Variants in SEMA3D observed in about 807,000 individuals in gnomAD.
SEMA3D encodes the protein semaphorin 3D.
Under a neutral mutation model 100.1 loss-of-function variants are expected in SEMA3D, and 84 were observed. The ratio of observed to expected loss-of-function variants is 0.84; its 90% CI spans 0.70 to 1.01. The LOEUF (loss-of-function observed/expected upper bound fraction) is 1.01. Among genes scored for constraint, SEMA3D ranks in the 50% least tolerant of loss-of-function variants. The pLI, the probability that SEMA3D is intolerant of heterozygous loss-of-function variation, is 0.00. For synonymous variants in SEMA3D, 312 were observed against 320.7 expected (o/e 0.97, Z 0.29); for missense variants, 875 against 934.1 (o/e 0.94, Z 0.82).
At position 85,046,974 on chromosome 7, in the gene SEMA3D, A is replaced by G. The variant is rs1378774046; in HGVS notation, c.862-4689T>C. Among the ~76,000 whole-genome samples, 3 of 151,874 alleles carry G rather than the reference A, an allele frequency of 2.0e-5. No homozygotes were observed. In the East Asian group the frequency reaches 5.8e-4, roughly 29 times the overall value. On this transcript the variant is annotated intron_variant, in intron 9 of 18. Coordinates refer to ENST00000284136, the MANE Select transcript of SEMA3D (RefSeq NM_001384900.1). ...ACACTATTTATCATTCACTTTTTGT[A>G]GTTAAGTGTTCCAAAAGCCTTGACA...
chr7:85,135,824 G>A (rs1351456624), intron 2 of SEMA3D, among the ~76,000 whole-genome samples: 2 of 150,888 alleles, frequency 1.3e-5, no homozygotes, highest in Admixed American at 6.6e-5. Context: ...TATTTCAATG[G>A]GATTATTTAC....
chr7:85,078,744 T>C (rs2116221001), intron 5 of SEMA3D, among the ~76,000 whole-genome samples: 1 of 152,288 alleles, frequency 6.6e-6, no homozygotes, highest in African/African-American at 2.4e-5. Flanking sequence ...TTAGGGTAAA[T>C]AATTCACTGT....
At chr7:85,082,624 G>A (rs1788097881) in intron 4 of SEMA3D, among the ~76,000 whole-genome samples, 1 of 152,012 alleles carries the variant, frequency 6.6e-6, no homozygotes, top group South Asian at 2.1e-4. Context: ...ATATCCTGAG[G>A]GAATACACTG....
the SEMA3D span, among the ~76,000 whole-genome samples, chr7:85,235,192 C>A: frequency 1.3e-5 from 2 of 152,174 alleles, no homozygotes. Context: ...TATCACAACT[C>A]TGCTACTATT....
intron 2 of SEMA3D, among the ~76,000 whole-genome samples, chr7:85,130,183 T>C (rs1027192221): frequency 1.3e-5 from 2 of 152,250 alleles, no homozygotes; most frequent in Admixed American, 6.5e-5. Flanking sequence ...GAACCAAGTC[T>C]TCATATCGGA....
chr7:85,085,076 C>T (rs1400919531), intron 4 of SEMA3D, among the ~76,000 whole-genome samples: 1 of 152,018 alleles, frequency 6.6e-6, no homozygotes. Context: ...CATGTCTTTG[C>T]TATGTTGCCA....
intron 6 of SEMA3D, among the ~76,000 whole-genome samples, chr7:85,070,255 C>G (rs1318430353): frequency 2.0e-5 from 3 of 152,184 alleles, no homozygotes; most frequent in African/African-American, 7.2e-5. Context: ...ACCTACTGAA[C>G]ATGCCACAAA....
chr7:85,242,016 A>G, the SEMA3D span, among the ~76,000 whole-genome samples: 6 of 152,122 alleles, frequency 3.9e-5, no homozygotes, highest in East Asian at 1.2e-3. Context: ...AGGTTCCTCA[A>G]AAACTAAAAA....
At position 85,113,343 on chromosome 7, in the gene SEMA3D, T is replaced by C. The variant is rs562412266; in HGVS notation, c.151+8398A>G. Among the ~76,000 whole-genome samples the C allele has an allele frequency of 2.6e-5, 4 of 152,256 alleles. No individual in the cohort carries two copies. In the South Asian group the frequency reaches 8.3e-4, roughly 32 times the overall value. ...ATTCGCCACATGAACTGAAGGGAAA[T>C]TTCTTTGCACAACAATAGAATCAAA... On this transcript the variant is annotated intron_variant, in intron 3 of 18. Coordinates refer to ENST00000284136, the MANE Select transcript of SEMA3D (RefSeq NM_001384900.1).
At chr7:85,202,947 G>A in the SEMA3D span, among the ~76,000 whole-genome samples, 1 of 152,120 alleles carries the variant, frequency 6.6e-6, no homozygotes, top group Admixed American at 6.6e-5. Flanking sequence ...TCTTGCATAG[G>A]TAAGAGAGGG....
intron 16 of SEMA3D, among the ~76,000 whole-genome samples, chr7:85,014,350 C>T (rs1014373878): frequency 1.1e-4 from 16 of 151,774 alleles, no homozygotes; most frequent in Admixed American, 7.2e-4. Context: ...TCAGGCATAT[C>T]GATGGGCATT....
intron 4 of SEMA3D, among the ~76,000 whole-genome samples, chr7:85,091,413 C>T (rs1788390051): frequency 6.6e-6 from 1 of 151,438 alleles, no homozygotes; most frequent in South Asian, 2.1e-4. Flanking sequence ...GGAAGGATCC[C>T]AACAATTCAT....
rs1491429764 is a variant in SEMA3D at position 84,996,997 on chromosome 7, T to TATG, written c.*2440_*2442dup. On this transcript the variant is annotated 3_prime_UTR_variant, in exon 19 of 19. Transcript: ENST00000284136. ...AAAATACATATAAATATGTGTACTCTATGTTGTTTTTTATTGTGTGAAATT... is the reference window on the plus strand; with the variant it reads ...AAAATACATATAAATATGTGTACTCTATGATGTTGTTTTTTATTGTGTGAAATT... 1 of 151,810 alleles carries TATG rather than the reference T, an allele frequency of 6.6e-6. No individual in the cohort carries two copies. Among genetic ancestry groups the TATG allele is most frequent in the African/African-American group, 2.4e-5 (1 of 41,410 alleles). The allele number at this position is 151,810 out of a possible 1,614,324, so 9.4% of individuals were successfully genotyped here.
At chr7:85,110,930 T>A (rs902265914) in intron 3 of SEMA3D, among the ~76,000 whole-genome samples, 28 of 152,196 alleles carry the variant, frequency 1.8e-4, no homozygotes, top group African/African-American at 6.3e-4. Flanking sequence ...GCTGCTTTTA[T>A]CAAAGTCAAC....
chr7:85,229,897 T>G, the SEMA3D span, among the ~76,000 whole-genome samples: 1 of 152,288 alleles, frequency 6.6e-6, no homozygotes, highest in African/African-American at 2.4e-5. Flanking sequence ...GTAAGTAAGC[T>G]CCAATGTACT....
chr7:85,015,557 C>T (rs1790074678), intron 15 of SEMA3D, among the ~76,000 whole-genome samples: 1 of 151,790 alleles, frequency 6.6e-6, no homozygotes, highest in African/African-American at 2.4e-5. Flanking sequence ...AGCACAGATG[C>T]TATAGGCAAA....
At chr7:85,126,352 C>T (rs896154265) in intron 2 of SEMA3D, among the ~76,000 whole-genome samples, 1 of 149,730 alleles carries the variant, frequency 6.7e-6, no homozygotes, top group African/African-American at 2.5e-5. Context: ...AAATCTAGAA[C>T]ACTTAGATTT....
At position 85,042,222 on chromosome 7, in the gene SEMA3D, T is replaced by G. The variant is rs1370898658; in HGVS notation, c.925A>C (p.Ile309Leu). 1 of 1,613,678 alleles carries G rather than the reference T, an allele frequency of 6.2e-7. No homozygotes were observed. The highest frequency in any genetic ancestry group is 2.2e-5 in the East Asian group (1 of 44,856). Residue 309 changes from isoleucine (I) to leucine (L), a missense_variant, in exon 10 of 19, where the codon ATT (isoleucine) becomes CTT (leucine). By Grantham distance (5) the Ile-to-Leu change is conservative. Coordinates refer to ENST00000284136, the MANE Select transcript of SEMA3D (RefSeq NM_001384900.1). Reference protein sequence around the residue: ...KWTTFLKARLICSIPGSDGAD... With the variant: ...KWTTFLKARLLCSIPGSDGAD... ...CCATCACTTCCAGGAATTGAGCAAA[T>G]CAGTCTGGCCTTAAGAAAAGTCGTC...
At chr7:85,037,398 G>A (rs1790731053) in intron 11 of SEMA3D, among the ~76,000 whole-genome samples, 2 of 151,986 alleles carry the variant, frequency 1.3e-5, no homozygotes, top group South Asian at 2.1e-4. Flanking sequence ...ATGAAAGAGT[G>A]TTATATTTAT....
Sources: gnomAD v4.1 joint callset for allele counts (sites outside exome capture counted in the v4.1 genomes callset) on GRCh38, gnomAD v4.1.1 for gene constraint, MANE v1.5 for transcripts, NCBI Gene and HGNC (gene_info 2026-07-23, HGNC 2026-07-21) for gene names.